ATP6V0A2: variants seen among roughly 807,000 people sequenced by gnomAD.
The protein encoded by ATP6V0A2 is ATPase H+ transporting V0 subunit a2, also known as V-type proton ATPase 116 kDa subunit a 2.
A neutral mutation model predicts 104.4 loss-of-function variants in ATP6V0A2; 58 were observed. The observed-to-expected ratio is 0.56, with a 90% confidence interval of 0.45 to 0.69. ATP6V0A2 has a LOEUF of 0.69. ATP6V0A2 is among the 30% of genes least tolerant of loss of function. The probability of loss-of-function intolerance (pLI) is 0.00; values close to 1 mark genes in which losing one functional copy is unlikely to be tolerated. For synonymous variants in ATP6V0A2, 376 were observed against 397.9 expected (o/e 0.95, Z 0.65); for missense variants, 938 against 1,062.9 (o/e 0.88, Z 1.63).
chr12:123,748,163 C>A (rs1056019544), intron 14 of ATP6V0A2, among the ~76,000 whole-genome samples: 3 of 152,164 alleles, frequency 2.0e-5, no homozygotes, highest in Admixed American at 6.5e-5. Flanking sequence ...TTTTCTCTAA[C>A]TAGACCTGTT....
chr12:123,714,182 C>CGTT (rs1392583211), intron 1 of ATP6V0A2, among the ~76,000 whole-genome samples: 8 of 152,226 alleles, frequency 5.3e-5, no homozygotes, highest in Non-Finnish European at 1.0e-4. Flanking sequence ...AGCAAACGTA[C>CGTT]TAATCACTAT....
Position 123,712,423 on chromosome 12 carries a change from C to G in ATP6V0A2, c.-143C>G. On this transcript the variant is annotated 5_prime_UTR_variant, in exon 1 of 20. Coordinates refer to ENST00000330342, the MANE Select transcript of ATP6V0A2 (RefSeq NM_012463.4). ...GTGGCAGAACCGGGGGCGGCCGCTGCAGTCTGGAGCCCCATAGTGCGGGGC... is the reference window on the plus strand; with the variant it reads ...GTGGCAGAACCGGGGGCGGCCGCTGGAGTCTGGAGCCCCATAGTGCGGGGC... The G allele has an allele frequency of 2.3e-6, 1 of 428,058 alleles. No individual in the cohort carries two copies. Among genetic ancestry groups the G allele is most frequent in the Non-Finnish European group, 3.9e-6 (1 of 253,836 alleles). The allele number at this position is 428,058 out of a possible 1,614,324, so 26.5% of individuals were successfully genotyped here.
rs1353477591 is a variant in ATP6V0A2, at chr12:123,712,569, G to T, written c.4G>T (p.Gly2Trp). Residue 2 changes from glycine to tryptophan, a missense_variant, in exon 1 of 20, where the codon GGG becomes TGG. Coordinates refer to ENST00000330342, the MANE Select transcript of ATP6V0A2 (RefSeq NM_012463.4). ...TCCGGGCGCGGGTCGGCCCGCCATG[G>T]GGTCCCTGTTCCGGAGCGAGACCAT... M[G>W]SLFRSETMCL... 1.9e-6 allele frequency: 3 copies of T among 1,588,892 alleles called. No homozygotes were observed. Among genetic ancestry groups the T allele is most frequent in the South Asian group, 2.3e-5 (2 of 88,358 alleles).
At chr12:123,747,798 G>GT in intron 14 of ATP6V0A2, 73 bp downstream of exon 14, 1 of 977,988 alleles carries the variant, frequency 1.0e-6, no homozygotes, top group Non-Finnish European at 1.6e-6. Context: ...CTTCTTGTTG[G>GT]TGACTGTATT....
intron 8 of ATP6V0A2, among the ~76,000 whole-genome samples, chr12:123,735,925 T>G (rs1956548453): frequency 6.6e-6 from 1 of 152,142 alleles, no homozygotes; most frequent in Non-Finnish European, 1.5e-5. Context: ...AGGCTTGGAG[T>G]GCAGTGGCAT....
intron 15 of ATP6V0A2, 90 bp from the exon 16 acceptor site, chr12:123,751,020 G>T: frequency 6.4e-7 from 1 of 1,563,922 alleles, no homozygotes; most frequent in South Asian, 1.1e-5. Context: ...TGGAGACATT[G>T]TTCGATCTTT....
chr12:123,756,662 A>G (rs1352381623), intron 18 of ATP6V0A2, 153 bp from the exon 19 acceptor site: 4 of 747,468 alleles, frequency 5.4e-6, no homozygotes, highest in African/African-American at 1.8e-5. Flanking sequence ...TGGCTTTCAC[A>G]TGAGAAACAG....
chr12:123,719,888 T>C (rs1956382031), intron 2 of ATP6V0A2, among the ~76,000 whole-genome samples: 1 of 152,186 alleles, frequency 6.6e-6, no homozygotes, highest in Non-Finnish European at 1.5e-5. Flanking sequence ...TAGCTGCTAC[T>C]GTAAAGGTCA....
Position 123,727,882 on chromosome 12 carries a change from G to A in ATP6V0A2, c.621G>A (p.Leu207=), listed in dbSNP as rs374338507. 25 of 1,614,086 alleles carry A rather than the reference G, an allele frequency of 1.5e-5. No homozygotes were observed. Among genetic ancestry groups the A allele is most frequent in the Non-Finnish European group, 1.9e-5 (22 of 1,180,044 alleles). ...ACACCATCGTGTCCTATGCAGAACT[G>A]GATGAATCCCTTGAAGACCCTGAAA... ...KGYTIVSYAE[L]DESLEDPETG... is the part of the protein sequence containing the mutation. The change falls in exon 6 of 20, where the codon CTG becomes CTA. Residue 207 remains leucine (L), a synonymous_variant. Transcript: ENST00000330342.
rs1381118341 is a variant in ATP6V0A2 at position 123,743,923 on chromosome 12, G to A, written c.1177G>A (p.Glu393Lys). The A allele has an allele frequency of 1.2e-6, 2 of 1,614,202 alleles. No homozygotes were observed. Among genetic ancestry groups the A allele is most frequent in the Non-Finnish European group, 1.7e-6 (2 of 1,180,038 alleles). ...VDAYGVGSYREVNPALFTIIT... is the reference protein window; with the variant it reads ...VDAYGVGSYRKVNPALFTIIT... The stretch of plus-strand genomic sequence containing the variant: ...TGCTTATGGAGTCGGAAGCTACAGA[G>A]AAGTCAATCCAGGTTGGAAGTCTGA... The change falls in exon 10 of 20, where the codon GAA becomes AAA. Residue 393 changes from glutamate (E) to lysine (K), a missense_variant. Coordinates refer to ENST00000330342, the MANE Select transcript of ATP6V0A2 (RefSeq NM_012463.4).
intron 9 of ATP6V0A2, among the ~76,000 whole-genome samples, chr12:123,737,873 A>G (rs1020877295): frequency 2.6e-5 from 4 of 152,230 alleles, no homozygotes; most frequent in African/African-American, 9.7e-5. Flanking sequence ...CTTTTCACTT[A>G]ATAAAACTTC....
intron 2 of ATP6V0A2, among the ~76,000 whole-genome samples, chr12:123,720,652 C>T (rs1440116728): frequency 6.6e-6 from 1 of 152,056 alleles, no homozygotes; most frequent in African/African-American, 2.4e-5. Flanking sequence ...CAGGATGACA[C>T]ACCACTGTAC....
intron 16 of ATP6V0A2, among the ~76,000 whole-genome samples, chr12:123,751,826 A>G (rs567731511): frequency 4.0e-5 from 6 of 150,748 alleles, no homozygotes; most frequent in Admixed American, 4.0e-4. Flanking sequence ...TTCTTCTTTA[A>G]GATTTTCTTT....
chr12:123,714,226 C>T (rs940974530), intron 1 of ATP6V0A2, among the ~76,000 whole-genome samples: 1 of 152,238 alleles, frequency 6.6e-6, no homozygotes, highest in African/African-American at 2.4e-5. Flanking sequence ...CCACTACCTC[C>T]AGTCATAGAG....
chr12:123,719,860 C>T (rs1956381787), intron 2 of ATP6V0A2, among the ~76,000 whole-genome samples: 2 of 152,134 alleles, frequency 1.3e-5, no homozygotes, highest in Non-Finnish European at 2.9e-5. Flanking sequence ...CCTACGGCCT[C>T]CTGTAAGTTC....
intron 6 of ATP6V0A2, among the ~76,000 whole-genome samples, chr12:123,729,322 GT>G (rs71308012): frequency 1.8e-4 from 20 of 113,870 alleles, no homozygotes; most frequent in Non-Finnish European, 1.5e-4. Flanking sequence ...CAAGGAGGCT[GT>G]TTTTTTTTTT....
Position 123,752,273 on chromosome 12 carries a change from T to C in ATP6V0A2, c.2056-10T>C, listed in dbSNP as rs141132624. 2.5e-6 allele frequency: 4 copies of C among 1,614,132 alleles called. No homozygotes were observed. The African/African-American group carries it at 5.3e-5, about 22-fold the overall frequency. ...TACAGGCACTGACTCTGTGCTCTTT[T>C]GGTTGTTAGAGTGGCTACACACTTA... On this transcript the variant is annotated splice_polypyrimidine_tract_variant and intron_variant, in intron 16 of 19. Transcript: ENST00000330342.
intron 14 of ATP6V0A2, 109 bp downstream of exon 14, chr12:123,747,834 A>G (rs1956676927): frequency 1.4e-6 from 1 of 725,256 alleles, no homozygotes; most frequent in Non-Finnish European, 2.5e-6. Flanking sequence ...AGCCAATATG[A>G]TGTTGTATTT....
At chr12:123,725,398 A>G (rs1463102590) in intron 4 of ATP6V0A2, among the ~76,000 whole-genome samples, 2 of 152,174 alleles carry the variant, frequency 1.3e-5, no homozygotes, top group African/African-American at 2.4e-5. Context: ...TATGAGCATG[A>G]GAAAAAAATT....
Sources: allele counts gnomAD v4.1 joint callset (sites outside exome capture counted in the v4.1 genomes callset), GRCh38; gene constraint gnomAD v4.1.1; transcripts MANE v1.5; gene names NCBI Gene and HGNC (gene_info 2026-07-23, HGNC 2026-07-21).